The following SBF2 variants were observed in gnomAD, a reference collection of about 807,000 sequenced individuals.
SBF2 encodes the protein myotubularin-related protein 13.
A neutral mutation model predicts 225.2 loss-of-function variants in SBF2; 112 were observed. That is an observed-to-expected ratio of 0.50 (90% CI 0.43 to 0.58). The LOEUF is 0.58. SBF2 is among the 20% of genes least tolerant of loss of function. SBF2 has a pLI of 0.00. For missense variants in SBF2, 1,996 were observed against 2,206.2 expected (o/e 0.90, Z 1.91); for synonymous variants, 763 against 773.3 (o/e 0.99, Z 0.22).
chr11:10,040,842 T>C (rs913408484), intron 3 of SBF2, among the ~76,000 whole-genome samples: 2 of 151,996 alleles, frequency 1.3e-5, no homozygotes, highest in Admixed American at 6.6e-5. Flanking sequence ...TGGGGCAAAA[T>C]ATTAACAACA....
At chr11:10,173,807 G>C (rs1164616540) in intron 2 of SBF2, among the ~76,000 whole-genome samples, 3 of 149,834 alleles carry the variant, frequency 2.0e-5, no homozygotes, top group South Asian at 2.1e-4. Context: ...CACGCAGCTG[G>C]AGATCTGAGA....
intron 2 of SBF2, among the ~76,000 whole-genome samples, chr11:10,129,546 C>A (rs987753781): frequency 3.3e-5 from 5 of 152,124 alleles, no homozygotes; most frequent in Non-Finnish European, 7.4e-5. Context: ...TAATTAGATC[C>A]TCCTTTAATT....
chr11:9,839,281 GTACTT>G, intron 26 of SBF2: 1 of 574,364 alleles, frequency 1.7e-6, no homozygotes. Flanking sequence ...TAGGGGGTGA[GTACTT>G]TACCTTTCAC....
chr11:9,961,035 G>A (rs919013596), intron 16 of SBF2: 1 of 152,072 alleles, frequency 6.6e-6, no homozygotes, highest in African/African-American at 2.4e-5. Context: ...TTTTTCTTTA[G>A]GAGTATATTG....
chr11:10,265,763 A>G (rs7116147), intron 1 of SBF2, among the ~76,000 whole-genome samples: 74,847 of 151,934 alleles, frequency 0.49, 18,818 homozygotes, highest in Non-Finnish European at 0.54. Flanking sequence ...ATGGCTCACC[A>G]CAGCCTCAAC....
intron 17 of SBF2, among the ~76,000 whole-genome samples, chr11:9,890,653 G>A (rs73418583): frequency 0.015 from 2,285 of 152,228 alleles, 49 homozygotes; most frequent in African/African-American, 0.052. Context: ...GGTACCAAAG[G>A]AGAAAGTGTT....
At chr11:10,193,816 C>G in intron 2 of SBF2, 86 bp downstream of exon 2, 1 of 913,100 alleles carries the variant, frequency 1.1e-6, no homozygotes. Context: ...AATTATTTAA[C>G]AGCAAATGTA....
intron 1 of SBF2, among the ~76,000 whole-genome samples, chr11:10,217,531 A>G (rs890133082): frequency 1.3e-5 from 2 of 152,140 alleles, no homozygotes; most frequent in Non-Finnish European, 2.9e-5. Context: ...AAGGCAAATA[A>G]CCCCTGACAA....
intron 1 of SBF2, among the ~76,000 whole-genome samples, chr11:10,205,026 G>A (rs1376200890): frequency 2.0e-5 from 3 of 151,696 alleles, no homozygotes; most frequent in African/African-American, 7.3e-5. Flanking sequence ...TGGGAGGGGG[G>A]AGGCAGAGTA....
chr11:9,828,259 T>C, intron 28 of SBF2: 2 of 1,284,656 alleles, frequency 1.6e-6, no homozygotes, highest in South Asian at 1.3e-5. Flanking sequence ...AACCATGTTG[T>C]TTGGGTTAAC....
chr11:10,102,914 TA>T (rs1952373770), intron 2 of SBF2, among the ~76,000 whole-genome samples: 1 of 152,216 alleles, frequency 6.6e-6, no homozygotes, highest in South Asian at 2.1e-4. Context: ...AAACTAGCTT[TA>T]GCATTAAAGA....
chr11:10,134,370 C>G (rs1250424617), intron 2 of SBF2, among the ~76,000 whole-genome samples: 1 of 152,048 alleles, frequency 6.6e-6, no homozygotes, highest in Non-Finnish European at 1.5e-5. Flanking sequence ...TGCCCTGGCC[C>G]CCCCCAAACC....
At chr11:10,171,065 T>A (rs1340299128) in intron 2 of SBF2, among the ~76,000 whole-genome samples, 1 of 152,158 alleles carries the variant, frequency 6.6e-6, no homozygotes, top group African/African-American at 2.4e-5. Flanking sequence ...TTTCCAGATA[T>A]AAGATCCATC....
At chr11:10,004,415 T>C (rs1948098124) in intron 6 of SBF2, among the ~76,000 whole-genome samples, 1 of 151,762 alleles carries the variant, frequency 6.6e-6, no homozygotes, top group Admixed American at 6.6e-5. Flanking sequence ...CCAAGTATAA[T>C]ATTGAGTGAG....
intron 2 of SBF2, among the ~76,000 whole-genome samples, chr11:10,185,075 GA>G (rs1956880264): frequency 6.6e-6 from 1 of 151,398 alleles, no homozygotes; most frequent in Non-Finnish European, 1.5e-5. Context: ...ACATGTGTCA[GA>G]ATTTTCTTCC....
chr11:10,236,065 T>C (rs954164517), intron 1 of SBF2, among the ~76,000 whole-genome samples: 7 of 152,084 alleles, frequency 4.6e-5, no homozygotes, highest in Non-Finnish European at 8.8e-5. Flanking sequence ...AGCGAGATCT[T>C]GTCTCAAAAC....
chr11:10,231,929 G>T (rs976326436), intron 1 of SBF2, among the ~76,000 whole-genome samples: 2 of 152,238 alleles, frequency 1.3e-5, no homozygotes, highest in Non-Finnish European at 2.9e-5. Flanking sequence ...AGGCAGGCAG[G>T]CGTCCTTGAG....
Position 9,844,373 on chromosome 11 carries a change from C to T in SBF2, c.3110+1192G>A, listed in dbSNP as rs190241493. 7.2e-4 allele frequency among the ~76,000 whole-genome samples: 110 copies of T among 152,328 alleles called. 1 individual carries two copies. The highest frequency in any genetic ancestry group is 2.5e-3 in the African/African-American group (104 of 41,568). On this transcript the variant is annotated intron_variant, in intron 24 of 39. Coordinates refer to ENST00000256190, the MANE Select transcript of SBF2 (RefSeq NM_030962.4). Reference sequence around the variant, plus strand: ...CCTCTTTTCCAAAGTCTGCAAAGCTCTCCCTAGTATTGTAATTTGTATTGG... The same window carrying T: ...CCTCTTTTCCAAAGTCTGCAAAGCTTTCCCTAGTATTGTAATTTGTATTGG...
At chr11:10,279,017 G>A (rs1380469727) in intron 1 of SBF2, among the ~76,000 whole-genome samples, 1 of 149,850 alleles carries the variant, frequency 6.7e-6, no homozygotes, top group African/African-American at 2.5e-5. Context: ...AAGAATGGCT[G>A]AGGCCATGAG....
Sources: gnomAD v4.1 joint callset for allele counts (sites outside exome capture counted in the v4.1 genomes callset) on GRCh38, gnomAD v4.1.1 for gene constraint, MANE v1.5 for transcripts, NCBI Gene and HGNC (gene_info 2026-07-23, HGNC 2026-07-21) for gene names.